The following ACER1 variants were observed in gnomAD, a reference collection of about 807,000 sequenced individuals.
ACER1 encodes the protein CTB-180A7.3.
ACER1 carries 28 observed loss-of-function variants against 24.9 expected under a neutral mutation model. The ratio of observed to expected loss-of-function variants is 1.13; its 90% CI spans 0.83 to 1.54. ACER1 has a LOEUF of 1.54. Ranked by LOEUF, ACER1 falls within the 40% of genes most tolerant of loss-of-function variation. The pLI is 0.00. For missense variants in ACER1, 352 were observed against 349.3 expected (o/e 1.01, Z -0.06); for synonymous variants, 132 against 131.4 (o/e 1.00, Z -0.03).
At chr19:6,310,104 T>C (rs2091570792) in intron 3 of ACER1, among the ~76,000 whole-genome samples, 1 of 151,764 alleles carries the variant, frequency 6.6e-6, no homozygotes, top group African/African-American at 2.4e-5. Flanking sequence ...TCTTTTTTTT[T>C]TGAGACGGAG....
intron 1 of ACER1, 61 bp downstream of exon 1, chr19:6,333,398 G>T: frequency 7.2e-7 from 1 of 1,397,472 alleles, no homozygotes; most frequent in African/African-American, 1.4e-5. Flanking sequence ...AGGCTGTATG[G>T]GGAGGAACCG....
At chr19:6,336,017 C>T (rs1443818748), upstream of ACER1, among the ~76,000 whole-genome samples, 2 of 151,662 alleles carry the variant, frequency 1.3e-5, no homozygotes, top group Admixed American at 1.3e-4. Context: ...TCCCCTGCCT[C>T]AGCCTCCCAA....
At chr19:6,306,985 C>G in intron 5 of ACER1, 103 bp from the exon 6 acceptor site, 2 of 1,495,252 alleles carry the variant, frequency 1.3e-6, no homozygotes, top group Non-Finnish European at 1.8e-6. Context: ...TCCAGGGGAG[C>G]CTTCTGGGTC....
At chr19:6,312,664 AC>A (rs1250185820) in intron 1 of ACER1, among the ~76,000 whole-genome samples, 165 bp from the exon 2 acceptor site, 1 of 123,280 alleles carries the variant, frequency 8.1e-6, no homozygotes, top group Non-Finnish European at 1.7e-5. Context: ...CTTTCAGCCG[AC>A]CCTTTTTTTT....
chr19:6,317,718 TG>T (rs2091610472), intron 1 of ACER1, among the ~76,000 whole-genome samples: 1 of 152,096 alleles, frequency 6.6e-6, no homozygotes, highest in African/African-American at 2.4e-5. Context: ...CAACTTTTTT[TG>T]TTGTTGTTTT....
At chr19:6,312,600 C>T in intron 1 of ACER1, 101 bp from the exon 2 acceptor site, 1 of 883,424 alleles carries the variant, frequency 1.1e-6, no homozygotes, top group Non-Finnish European at 1.9e-6. Context: ...CGGTTACCTG[C>T]TGCATTTCAG....
chr19:6,331,187 G>T (rs2091684948), intron 1 of ACER1, among the ~76,000 whole-genome samples: 1 of 142,254 alleles, frequency 7.0e-6, no homozygotes, highest in Admixed American at 6.9e-5. Flanking sequence ...GTCTCGCTCT[G>T]TCACCAGGCT....
chr19:6,341,332 C>T, the ACER1 span, among the ~76,000 whole-genome samples: 1 of 149,954 alleles, frequency 6.7e-6, no homozygotes, highest in Admixed American at 6.6e-5. Flanking sequence ...AACAAAAAAC[C>T]AGTCTAGGCA....
rs192912888 is a variant in ACER1 at position 6,333,486 on chromosome 19, C to T, written c.66G>A (p.Ser22=). The T allele has an allele frequency of 4.3e-5, 68 of 1,592,516 alleles. No individual in the cohort carries two copies. The highest frequency in any genetic ancestry group is 3.5e-4 in the Admixed American group (20 of 56,976). Residue 22 remains serine, a synonymous_variant, in exon 1 of 6, where the codon TCG becomes TCA. Coordinates refer to ENST00000301452, the MANE Select transcript of ACER1 (RefSeq NM_133492.3). ...TGTTGTAGAACTCGGCCACCAGCTC[C>T]GAGTACTGGAAGTTGCTCTCACACC... The part of the protein sequence containing the change: ...VDWCESNFQY[S]ELVAEFYNTF...
At chr19:6,311,598 GAGA>G (rs150912355) in intron 3 of ACER1, among the ~76,000 whole-genome samples, 3,650 of 150,008 alleles carry the variant, frequency 0.024, 139 homozygotes, top group East Asian at 0.15. Flanking sequence ...GGAGGAGGCG[GAGA>G]AGAAGAAGGA....
intron 1 of ACER1, among the ~76,000 whole-genome samples, chr19:6,313,340 C>A (rs552631639): frequency 1.3e-5 from 2 of 152,228 alleles, no homozygotes; most frequent in East Asian, 1.9e-4. Flanking sequence ...AGGCTGGTTG[C>A]AAGCTCCCAG....
chr19:6,352,175 C>A, the ACER1 span, among the ~76,000 whole-genome samples: 1 of 152,106 alleles, frequency 6.6e-6, no homozygotes, highest in Admixed American at 6.6e-5. Flanking sequence ...CCATCACTTT[C>A]CATCCTGTTA....
the ACER1 span, among the ~76,000 whole-genome samples, chr19:6,345,582 T>C: frequency 2.9e-5 from 4 of 135,644 alleles, no homozygotes; most frequent in African/African-American, 6.5e-5. Context: ...TTTTTTTTTT[T>C]CAAATGGAGT....
chr19:6,334,347 C>CT (rs1017654752), upstream of ACER1, among the ~76,000 whole-genome samples: 5 of 149,352 alleles, frequency 3.3e-5, no homozygotes, highest in African/African-American at 2.5e-5. Context: ...CGTGCCCGGC[C>CT]TTTTTTTTTA....
At chr19:6,320,703 G>A (rs1377593145) in intron 1 of ACER1, among the ~76,000 whole-genome samples, 1 of 152,136 alleles carries the variant, frequency 6.6e-6, no homozygotes, top group Non-Finnish European at 1.5e-5. Context: ...GGCTCTTTAA[G>A]AAGCTGCAAC....
intron 1 of ACER1, among the ~76,000 whole-genome samples, chr19:6,331,742 C>T (rs1447110090): frequency 9.2e-5 from 14 of 151,488 alleles, no homozygotes; most frequent in South Asian, 4.2e-4. Flanking sequence ...TGCAGTGAGC[C>T]GAGATCGCGC....
the ACER1 span, among the ~76,000 whole-genome samples, chr19:6,356,140 T>C: frequency 4.6e-5 from 7 of 151,042 alleles, no homozygotes; most frequent in African/African-American, 1.7e-4. Flanking sequence ...AAAATTCTTC[T>C]GCCTTGGGAT....
rs373391912 is a variant in ACER1 at position 6,312,412 on chromosome 19, C to A, written c.181G>T (p.Val61Phe). The stretch of plus-strand genomic sequence containing the variant: ...ATGATCATGAAGAGGACCCAGACAA[C>A]GTAAATGTAGCGGGAGCGCTTCTGG... The part of the protein sequence containing the change: ...YAQKRSRYIY[V>F]VWVLFMIIGL... Residue 61 changes from valine to phenylalanine, a missense_variant, in exon 2 of 6, where the codon GTT becomes TTT. Transcript: ENST00000301452. The A allele has an allele frequency of 3.1e-6, 5 of 1,613,970 alleles. No homozygotes were observed. In the East Asian group the frequency reaches 1.1e-4, roughly 36 times the overall value.
chr19:6,356,265 T>C, the ACER1 span, among the ~76,000 whole-genome samples: 1 of 147,526 alleles, frequency 6.8e-6, no homozygotes, highest in African/African-American at 2.6e-5. Flanking sequence ...AACAGATGCT[T>C]GAAGGCAGCA....
Sources: gnomAD v4.1 joint callset for allele counts (sites outside exome capture counted in the v4.1 genomes callset) on GRCh38, gnomAD v4.1.1 for gene constraint, MANE v1.5 for transcripts, NCBI Gene and HGNC (gene_info 2026-07-23, HGNC 2026-07-21) for gene names.